NOL4: variants seen among roughly 807,000 people sequenced by gnomAD.
NOL4 encodes cancer/testis antigen 125.
NOL4 carries 17 observed loss-of-function variants against 75.9 expected under a neutral mutation model. The ratio of observed to expected loss-of-function variants is 0.22; its 90% CI spans 0.15 to 0.34. The LOEUF is 0.34. NOL4 is among the 10% of genes least tolerant of loss of function. NOL4 has a pLI of 1.00. For missense variants in NOL4, 614 were observed against 793.5 expected (o/e 0.77, Z 2.72); for synonymous variants, 292 against 289.9 (o/e 1.01, Z -0.07).
At chr18:34,210,760 T>A (rs1266886241) in intron 1 of NOL4, among the ~76,000 whole-genome samples, 1 of 152,228 alleles carries the variant, frequency 6.6e-6, no homozygotes, top group African/African-American at 2.4e-5. Flanking sequence ...CTATGTTGAT[T>A]AAGTTTTAAT....
intron 5 of NOL4, among the ~76,000 whole-genome samples, chr18:34,074,127 T>C (rs1480509194): frequency 6.6e-6 from 1 of 151,846 alleles, no homozygotes; most frequent in Non-Finnish European, 1.5e-5. Flanking sequence ...AGTCAAAGAA[T>C]TGTATTTTTT....
chr18:34,046,874 T>C (rs2144900148), intron 5 of NOL4, among the ~76,000 whole-genome samples: 1 of 151,850 alleles, frequency 6.6e-6, no homozygotes, highest in Middle Eastern at 3.4e-3. Flanking sequence ...CACAATTACC[T>C]CTTTCCTTTT....
At chr18:34,099,241 T>TA (rs2078927729) in intron 4 of NOL4, among the ~76,000 whole-genome samples, 2 of 151,132 alleles carry the variant, frequency 1.3e-5, no homozygotes, top group Admixed American at 6.6e-5. Context: ...CGGGCACCTG[T>TA]AATCCTAGCT....
chr18:34,102,932 A>G (rs1228874014), intron 4 of NOL4, among the ~76,000 whole-genome samples: 1 of 152,016 alleles, frequency 6.6e-6, no homozygotes, highest in East Asian at 1.9e-4. Context: ...ATAAAATCCA[A>G]TATTGCCACT....
intron 1 of NOL4, among the ~76,000 whole-genome samples, chr18:34,143,565 T>C (rs1339117178): frequency 6.6e-6 from 1 of 152,102 alleles, no homozygotes; most frequent in Non-Finnish European, 1.5e-5. Context: ...ACAAATTTTA[T>C]TCATTAAACT....
chr18:33,962,578 A>C (rs1335015166), intron 6 of NOL4, among the ~76,000 whole-genome samples: 4 of 152,206 alleles, frequency 2.6e-5, no homozygotes, highest in Non-Finnish European at 2.9e-5. Flanking sequence ...AGGAATAATA[A>C]AACTAGAACA....
At chr18:33,979,422 AT>A (rs1405272553) in intron 6 of NOL4, among the ~76,000 whole-genome samples, 2 of 152,156 alleles carry the variant, frequency 1.3e-5, no homozygotes, top group South Asian at 4.1e-4. Flanking sequence ...TTTTCTGACT[AT>A]TTTTTAACCT....
intron 5 of NOL4, among the ~76,000 whole-genome samples, chr18:34,039,912 G>A (rs2076067064): frequency 6.6e-6 from 1 of 151,890 alleles, no homozygotes; most frequent in Admixed American, 6.6e-5. Context: ...AATTGCATGA[G>A]ATACTCAACA....
At chr18:34,006,723 G>A (rs2074049011) in intron 6 of NOL4, among the ~76,000 whole-genome samples, 1 of 152,018 alleles carries the variant, frequency 6.6e-6, no homozygotes, top group Non-Finnish European at 1.5e-5. Flanking sequence ...GGCCTATCCT[G>A]ATAGAATTCA....
chr18:34,073,249 G>A (rs943592033), intron 5 of NOL4, among the ~76,000 whole-genome samples: 10 of 151,796 alleles, frequency 6.6e-5, no homozygotes, highest in African/African-American at 1.5e-4. Context: ...ATGACTACAC[G>A]CTCTACAGAA....
intron 9 of NOL4, among the ~76,000 whole-genome samples, chr18:33,928,891 G>A (rs935886079): frequency 2.6e-5 from 4 of 151,482 alleles, no homozygotes; most frequent in Admixed American, 6.6e-5. Context: ...AATCACTCAT[G>A]TTTAGTTCAG....
At chr18:34,125,775 T>C (rs1353640545) in intron 2 of NOL4, among the ~76,000 whole-genome samples, 1 of 152,120 alleles carries the variant, frequency 6.6e-6, no homozygotes, top group African/African-American at 2.4e-5. Flanking sequence ...CAATTTTATT[T>C]TTTTCCAGAA....
At chr18:34,003,967 T>C (rs891139931) in intron 6 of NOL4, among the ~76,000 whole-genome samples, 1 of 152,052 alleles carries the variant, frequency 6.6e-6, no homozygotes, top group African/African-American at 2.4e-5. Context: ...AGACAGATTC[T>C]TTAAGTCTGA....
At chr18:34,010,443 A>G (rs2074307134) in intron 6 of NOL4, among the ~76,000 whole-genome samples, 1 of 151,940 alleles carries the variant, frequency 6.6e-6, no homozygotes, top group South Asian at 2.1e-4. Flanking sequence ...GCAACTGTGA[A>G]TAGTGCTGCA....
intron 5 of NOL4, among the ~76,000 whole-genome samples, chr18:34,067,646 A>G (rs917715325): frequency 6.6e-6 from 1 of 152,210 alleles, no homozygotes; most frequent in African/African-American, 2.4e-5. Flanking sequence ...GCACAGAATG[A>G]TATGTATTCA....
At chr18:33,887,827 C>T (rs2064852518) in intron 9 of NOL4, among the ~76,000 whole-genome samples, 1 of 152,184 alleles carries the variant, frequency 6.6e-6, no homozygotes, top group Non-Finnish European at 1.5e-5. Context: ...CATTGATGGA[C>T]ATTTGGGTTG....
At chr18:33,871,719 T>A (rs2063709248) in intron 10 of NOL4, among the ~76,000 whole-genome samples, 1 of 152,040 alleles carries the variant, frequency 6.6e-6, no homozygotes, top group African/African-American at 2.4e-5. Context: ...TAAGAGTATA[T>A]AAATATCCAT....
chr18:34,189,147 A>G (rs930200865), intron 1 of NOL4, among the ~76,000 whole-genome samples: 1 of 152,190 alleles, frequency 6.6e-6, no homozygotes, highest in Non-Finnish European at 1.5e-5. Context: ...GCATCTGGCC[A>G]GCGTTGGATT....
intron 10 of NOL4, among the ~76,000 whole-genome samples, chr18:33,863,674 A>G (rs2063290089): frequency 6.6e-6 from 1 of 152,120 alleles, no homozygotes; most frequent in Non-Finnish European, 1.5e-5. Context: ...GCTGGCATTG[A>G]GTGACTGAGG....
Sources: allele counts gnomAD v4.1 joint callset (sites outside exome capture counted in the v4.1 genomes callset), GRCh38; gene constraint gnomAD v4.1.1; transcripts MANE v1.5; gene names NCBI Gene and HGNC (gene_info 2026-07-23, HGNC 2026-07-21).